Variants in SLCO3A1 observed in about 807,000 individuals in gnomAD.
The protein encoded by SLCO3A1 is PGE1 transporter.
Under a neutral mutation model 63.1 loss-of-function variants are expected in SLCO3A1, and 27 were observed. The observed-to-expected ratio is 0.43, with a 90% CI of 0.32 to 0.59. The LOEUF is 0.59. Ranked by LOEUF, SLCO3A1 falls within the 20% of genes least tolerant of loss-of-function variation. The pLI, the probability that SLCO3A1 is intolerant of heterozygous loss-of-function variation, is 0.09. For missense variants in SLCO3A1, 773 were observed against 945.8 expected (o/e 0.82, Z 2.40); for synonymous variants, 473 against 409.9 (o/e 1.15, Z -1.86).
chr15:91,922,535 T>G (rs1156887050), intron 2 of SLCO3A1, among the ~76,000 whole-genome samples: 1 of 152,172 alleles, frequency 6.6e-6, no homozygotes, highest in East Asian at 1.9e-4. Context: ...GAACCAAATT[T>G]CCTTTCAGAG....
intron 2 of SLCO3A1, among the ~76,000 whole-genome samples, chr15:91,935,878 A>G (rs1899395105): frequency 1.3e-5 from 2 of 152,188 alleles, no homozygotes; most frequent in Non-Finnish European, 2.9e-5. Context: ...AACTGTTTCA[A>G]GGGACACCAC....
chr15:92,021,772 T>G (rs951086541), intron 2 of SLCO3A1, among the ~76,000 whole-genome samples: 4 of 152,134 alleles, frequency 2.6e-5, no homozygotes, highest in African/African-American at 9.7e-5. Context: ...CGAGGTACTT[T>G]TATTGTTAAC....
At chr15:92,162,490 G>T (rs1031563993) in intron 9 of SLCO3A1, 1 of 432,826 alleles carries the variant, frequency 2.3e-6, no homozygotes, top group South Asian at 3.9e-5. Flanking sequence ...CAGCCATCTG[G>T]TGAAGACTGT....
At chr15:91,926,752 T>C (rs543589653) in intron 2 of SLCO3A1, among the ~76,000 whole-genome samples, 2 of 152,308 alleles carry the variant, frequency 1.3e-5, no homozygotes, top group African/African-American at 4.8e-5. Flanking sequence ...GGAGTCATCG[T>C]TGGCTGCTTG....
intron 2 of SLCO3A1, among the ~76,000 whole-genome samples, chr15:92,027,943 T>C (rs1597235901): frequency 1.3e-5 from 2 of 152,214 alleles, no homozygotes; most frequent in East Asian, 3.9e-4. Flanking sequence ...GAGACAAGGA[T>C]GTGGGCAGTT....
chr15:92,121,093 C>T (rs2047857915), intron 5 of SLCO3A1, among the ~76,000 whole-genome samples: 1 of 152,208 alleles, frequency 6.6e-6, no homozygotes, highest in Non-Finnish European at 1.5e-5. Flanking sequence ...GACACTCCTT[C>T]TCCCCAAGGT....
At chr15:92,055,602 G>T (rs2047011976) in intron 2 of SLCO3A1, among the ~76,000 whole-genome samples, 1 of 151,998 alleles carries the variant, frequency 6.6e-6, no homozygotes, top group Admixed American at 6.6e-5. Flanking sequence ...CTACAGTGTT[G>T]ATTTGTGCAT....
At chr15:91,949,558 A>G (rs368911087) in intron 2 of SLCO3A1, among the ~76,000 whole-genome samples, 23 of 152,152 alleles carry the variant, frequency 1.5e-4, no homozygotes, top group African/African-American at 5.3e-4. Context: ...TCAACCCGGG[A>G]GGTGGAGTTT....
At chr15:92,027,867 T>C (rs1430561900) in intron 2 of SLCO3A1, among the ~76,000 whole-genome samples, 1 of 152,008 alleles carries the variant, frequency 6.6e-6, no homozygotes, top group Non-Finnish European at 1.5e-5. Context: ...TGCAGCTTGG[T>C]TTTTAGTTTA....
Position 91,897,192 on chromosome 15 carries a change from C to T in SLCO3A1, c.181-18801C>T, listed in dbSNP as rs1425572267. ...AAGACAGGCTGGATGCGGTGGTGCA[C>T]GCCTGTAATCCCAGTACTTTGAGAG... On this transcript the variant is annotated intron_variant, in intron 1 of 9. Transcript: ENST00000318445. This position sits in a 1 kb window ranked among gnomAD's most constrained non-coding sequence, Gnocchi z 4.7. Among the ~76,000 whole-genome samples the T allele has an allele frequency of 8.5e-5, 13 of 152,116 alleles. No homozygotes were observed. The highest frequency in any genetic ancestry group is 2.7e-4 in the African/African-American group (11 of 41,412).
Position 91,968,608 on chromosome 15 carries a change from CA to C in SLCO3A1, c.646+52151del, listed in dbSNP as rs1293591614. ...TCACAGACAAGGAGTGAGAAGAAGC[CA>C]GGGTAGAAACAAGCGACCCCTGCTT... On this transcript the variant is annotated intron_variant, in intron 2 of 9. Coordinates refer to ENST00000318445, the MANE Select transcript of SLCO3A1 (RefSeq NM_013272.4). The surrounding 1 kb of genome is among the most constrained non-coding windows in gnomAD (Gnocchi z 4.2). Among the ~76,000 whole-genome samples, 1 of 152,126 alleles carries C rather than the reference CA, an allele frequency of 6.6e-6. No individual in the cohort carries two copies. Among genetic ancestry groups the C allele is most frequent in the East Asian group, 1.9e-4 (1 of 5,172 alleles).
chr15:91,878,275 A>G (rs557353078), intron 1 of SLCO3A1, among the ~76,000 whole-genome samples: 2 of 151,918 alleles, frequency 1.3e-5, no homozygotes, highest in African/African-American at 4.8e-5. Context: ...AGTAGGGACG[A>G]AGTTCACCCT....
At chr15:91,979,002 C>T (rs1371592398) in intron 2 of SLCO3A1, among the ~76,000 whole-genome samples, 1 of 152,224 alleles carries the variant, frequency 6.6e-6, no homozygotes, top group Non-Finnish European at 1.5e-5. Flanking sequence ...GTTTGCCATT[C>T]TCAATTCTCT....
chr15:92,120,149 A>G (rs369370178), intron 4 of SLCO3A1, among the ~76,000 whole-genome samples: 1 of 152,088 alleles, frequency 6.6e-6, no homozygotes, highest in Admixed American at 6.5e-5. Context: ...AGAGGATGAA[A>G]ATATCTTCTG....
intron 2 of SLCO3A1, among the ~76,000 whole-genome samples, chr15:92,032,973 G>A (rs1597241466): frequency 6.6e-6 from 1 of 152,170 alleles, no homozygotes; most frequent in South Asian, 2.1e-4. Flanking sequence ...TGGACACCTT[G>A]ATTTTGAGGC....
At chr15:91,987,612 G>A (rs1003852667) in intron 2 of SLCO3A1, among the ~76,000 whole-genome samples, 5 of 151,904 alleles carry the variant, frequency 3.3e-5, no homozygotes, top group Middle Eastern at 3.4e-3. Flanking sequence ...GTGTGGTGGC[G>A]GGCACCTGTA....
chr15:92,025,193 A>T (rs1320153902), intron 2 of SLCO3A1, among the ~76,000 whole-genome samples: 7 of 139,358 alleles, frequency 5.0e-5, no homozygotes, highest in East Asian at 3.9e-4. Context: ...CTTTTAAAAA[A>T]TTTTTTTCTT....
intron 2 of SLCO3A1, among the ~76,000 whole-genome samples, chr15:91,990,593 T>C (rs915150383): frequency 6.6e-6 from 1 of 151,598 alleles, no homozygotes; most frequent in Non-Finnish European, 1.5e-5. Flanking sequence ...CAGTATATAC[T>C]CAGTTGTGTA....
chr15:91,933,596 G>C (rs1899308675), intron 2 of SLCO3A1, among the ~76,000 whole-genome samples: 1 of 152,184 alleles, frequency 6.6e-6, no homozygotes, highest in African/African-American at 2.4e-5. Context: ...TAGAGACATA[G>C]AATCATTGAA....
Sources: allele counts gnomAD v4.1 joint callset (sites outside exome capture counted in the v4.1 genomes callset), GRCh38; gene constraint gnomAD v4.1.1; non-coding constraint Gnocchi (gnomAD v3.1); transcripts MANE v1.5; gene names NCBI Gene and HGNC (gene_info 2026-07-23, HGNC 2026-07-21).